The following STAG1 variants were observed in gnomAD, a reference collection of about 807,000 sequenced individuals.
STAG1 encodes the protein cohesin subunit SA-1.
Under a neutral mutation model 170.9 loss-of-function variants are expected in STAG1, and 26 were observed. The observed-to-expected ratio is 0.15, with a 90% CI of 0.11 to 0.21. The LOEUF (loss-of-function observed/expected upper bound fraction) is 0.21, where lower values mean the gene tolerates loss of function less well. STAG1 is among the 10% of genes least tolerant of loss of function. The pLI, the probability that STAG1 is intolerant of heterozygous loss-of-function variation, is 1.00. For synonymous variants in STAG1, 514 were observed against 497.7 expected (o/e 1.03, Z -0.44); for missense variants, 964 against 1,509.5 (o/e 0.64, Z 5.99).
At chr3:136,697,004 C>T (rs908166047) in intron 1 of STAG1, among the ~76,000 whole-genome samples, 4 of 152,024 alleles carry the variant, frequency 2.6e-5, no homozygotes, top group Admixed American at 1.3e-4. Flanking sequence ...TGAATTTTAC[C>T]GTATGTAAAT....
At chr3:136,740,465 G>A (rs529588929) in intron 1 of STAG1, among the ~76,000 whole-genome samples, 2 of 152,188 alleles carry the variant, frequency 1.3e-5, no homozygotes, top group African/African-American at 4.8e-5. Flanking sequence ...TATAGTAAAT[G>A]CTCAATGTTC....
intron 9 of STAG1, among the ~76,000 whole-genome samples, chr3:136,477,697 T>A (rs999348938): frequency 6.6e-6 from 1 of 152,132 alleles, no homozygotes; most frequent in South Asian, 2.1e-4. Flanking sequence ...CTCACAACTA[T>A]TACAGAGCCA....
intron 4 of STAG1, among the ~76,000 whole-genome samples, chr3:136,597,717 G>A (rs1938490848): frequency 6.6e-6 from 1 of 151,478 alleles, no homozygotes; most frequent in African/African-American, 2.4e-5. Context: ...GGTTTCTCTT[G>A]AAATTTCAAC....
intron 5 of STAG1, among the ~76,000 whole-genome samples, chr3:136,553,156 A>G (rs1372952748): frequency 6.6e-6 from 1 of 152,192 alleles, no homozygotes; most frequent in Non-Finnish European, 1.5e-5. Context: ...GTTATAATTT[A>G]CAGAAATGAA....
At chr3:136,675,340 A>G (rs959946916) in intron 1 of STAG1, among the ~76,000 whole-genome samples, 1 of 152,202 alleles carries the variant, frequency 6.6e-6, no homozygotes, top group Non-Finnish European at 1.5e-5. Flanking sequence ...ATATGCAAAC[A>G]TGAGTGACAG....
chr3:136,396,209 G>T (rs868307582), intron 22 of STAG1, among the ~76,000 whole-genome samples: 9 of 87,932 alleles, frequency 1.0e-4, no homozygotes, highest in Middle Eastern at 0.013. Context: ...GTGTAACACA[G>T]TTTTTTTTTT....
chr3:136,721,004 T>C (rs1450766482), intron 1 of STAG1, among the ~76,000 whole-genome samples: 1 of 152,240 alleles, frequency 6.6e-6, no homozygotes, highest in African/African-American at 2.4e-5. Context: ...AAGCACATGA[T>C]GCTAATAAAT....
At chr3:136,543,720 A>G (rs1389592419) in intron 5 of STAG1, among the ~76,000 whole-genome samples, 2 of 152,206 alleles carry the variant, frequency 1.3e-5, no homozygotes, top group Non-Finnish European at 2.9e-5. Flanking sequence ...CAGAGCAGAG[A>G]GCCTTTCTTC....
intron 15 of STAG1, among the ~76,000 whole-genome samples, chr3:136,441,677 T>G (rs1328662447): frequency 6.6e-6 from 1 of 152,090 alleles, no homozygotes. Flanking sequence ...GGTAGTCTAC[T>G]GCGGGGGATG....
intron 28 of STAG1, among the ~76,000 whole-genome samples, chr3:136,356,491 C>T (rs531391882): frequency 3.3e-4 from 50 of 152,022 alleles, no homozygotes; most frequent in African/African-American, 1.2e-3. Context: ...AGTGATTCTC[C>T]GACCTCAGCC....
chr3:136,588,880 A>C (rs760870054), intron 4 of STAG1, among the ~76,000 whole-genome samples: 12 of 152,130 alleles, frequency 7.9e-5, no homozygotes, highest in Non-Finnish European at 1.5e-4. Context: ...CTCCTGCTTC[A>C]GCCTCCCAAG....
intron 1 of STAG1, among the ~76,000 whole-genome samples, chr3:136,729,021 G>A (rs1242930223): frequency 2.6e-5 from 4 of 152,056 alleles, no homozygotes; most frequent in African/African-American, 9.7e-5. Context: ...CACTCCTATT[G>A]CCCAGGCGAG....
chr3:136,411,791 C>A (rs1172008865), intron 21 of STAG1, among the ~76,000 whole-genome samples: 1 of 152,020 alleles, frequency 6.6e-6, no homozygotes, highest in East Asian at 1.9e-4. Flanking sequence ...TCTACCAATA[C>A]AAAAATTAGC....
At chr3:136,611,438 C>G (rs577241540) in intron 3 of STAG1, among the ~76,000 whole-genome samples, 10 of 151,766 alleles carry the variant, frequency 6.6e-5, no homozygotes, top group African/African-American at 2.4e-4. Flanking sequence ...TGTAAGCCAT[C>G]GTGCCTGGCC....
chr3:136,728,284 T>C (rs1933802849), intron 1 of STAG1, among the ~76,000 whole-genome samples: 1 of 152,234 alleles, frequency 6.6e-6, no homozygotes. Context: ...ACCACAATAC[T>C]TTTAGTTAAT....
chr3:136,524,126 C>G lies in STAG1; in HGVS notation c.472-2709G>C, dbSNP rs530190365. Among the ~76,000 whole-genome samples the G allele has an allele frequency of 6.4e-3, 976 of 152,058 alleles. 13 individuals carry two copies. Among genetic ancestry groups the G allele is most frequent in the African/African-American group, 0.022 (931 of 41,410 alleles). ...CTTTAAAGTAGTTTTTTCCACTTAT[C>G]TGAAGAAAGTCATTGGTAGCTTGAT... On this transcript the variant is annotated intron_variant, in intron 6 of 33. Coordinates refer to ENST00000383202, the MANE Select transcript of STAG1 (RefSeq NM_005862.3).
intron 1 of STAG1, among the ~76,000 whole-genome samples, chr3:136,685,812 A>C (rs905318946): frequency 6.6e-6 from 1 of 152,246 alleles, no homozygotes; most frequent in Non-Finnish European, 1.5e-5. Flanking sequence ...AAATCAAAGT[A>C]TAGAGACAAA....
intron 4 of STAG1, among the ~76,000 whole-genome samples, chr3:136,581,776 T>A (rs997335408): frequency 7.9e-5 from 12 of 152,086 alleles, no homozygotes; most frequent in African/African-American, 1.7e-4. Flanking sequence ...AAAAATGGAA[T>A]TTTTTTATGG....
chr3:136,548,279 A>G (rs1484143662), intron 5 of STAG1, among the ~76,000 whole-genome samples: 2 of 151,654 alleles, frequency 1.3e-5, no homozygotes, highest in African/African-American at 4.8e-5. Context: ...TGCCCGGGCT[A>G]ATTTTTGTAT....
Sources: gnomAD v4.1 joint callset for allele counts (sites outside exome capture counted in the v4.1 genomes callset) on GRCh38, gnomAD v4.1.1 for gene constraint, MANE v1.5 for transcripts, NCBI Gene and HGNC (gene_info 2026-07-23, HGNC 2026-07-21) for gene names.